Variants in DDX10 observed in about 807,000 individuals in gnomAD.
DDX10 encodes the protein probable ATP-dependent RNA helicase DDX10.
DDX10 carries 74 observed loss-of-function variants against 104.3 expected under a neutral mutation model. The ratio of observed to expected loss-of-function variants is 0.71; its 90% CI spans 0.59 to 0.86. The LOEUF is 0.86. DDX10 is among the 40% of genes least tolerant of loss of function. DDX10 has a pLI of 0.00. For missense variants in DDX10, 952 were observed against 1,040.0 expected (o/e 0.92, Z 1.16); for synonymous variants, 351 against 353.4 (o/e 0.99, Z 0.08).
intron 16 of DDX10, among the ~76,000 whole-genome samples, chr11:108,856,343 ATCACTT>A (rs1181523671): frequency 6.6e-6 from 1 of 152,142 alleles, no homozygotes. Context: ...AGGCAGAAGA[ATCACTT>A]TAACCTGGGA....
intron 13 of DDX10, among the ~76,000 whole-genome samples, chr11:108,769,272 T>G (rs1591813414): frequency 6.6e-6 from 1 of 152,236 alleles, no homozygotes; most frequent in Non-Finnish European, 1.5e-5. Context: ...TTTTCATATT[T>G]TTATTCCTTT....
chr11:108,790,426 A>G (rs1861854769), intron 13 of DDX10, among the ~76,000 whole-genome samples: 1 of 152,186 alleles, frequency 6.6e-6, no homozygotes, highest in South Asian at 2.1e-4. Context: ...TTTAAGGTAA[A>G]TATAATCTAT....
At chr11:108,702,650 C>T (rs1296502267) in intron 9 of DDX10, among the ~76,000 whole-genome samples, 4 of 152,194 alleles carry the variant, frequency 2.6e-5, no homozygotes, top group Non-Finnish European at 4.4e-5. Context: ...TTAACTGGTA[C>T]ACCCAAGCCA....
intron 10 of DDX10, among the ~76,000 whole-genome samples, chr11:108,711,271 TTG>T (rs1461292746): frequency 1.3e-5 from 2 of 152,234 alleles, no homozygotes; most frequent in African/African-American, 4.8e-5. Flanking sequence ...TTGTTTTGAC[TTG>T]TGTTATTCAG....
chr11:108,862,743 T>G (rs1416835087), intron 16 of DDX10, among the ~76,000 whole-genome samples: 2 of 152,206 alleles, frequency 1.3e-5, no homozygotes, highest in Admixed American at 6.5e-5. Context: ...AGTTTTAGTT[T>G]CTACTATAAA....
intron 8 of DDX10, among the ~76,000 whole-genome samples, chr11:108,693,244 T>G (rs1450456693): frequency 1.2e-4 from 19 of 152,240 alleles, no homozygotes; most frequent in Admixed American, 1.2e-3. Context: ...GGTATTTCAC[T>G]GTTTGTCCGA....
intron 13 of DDX10, among the ~76,000 whole-genome samples, chr11:108,826,119 T>C (rs1306622993): frequency 2.6e-5 from 4 of 152,218 alleles, no homozygotes; most frequent in Admixed American, 6.5e-5. Flanking sequence ...GGTTTTTTGA[T>C]GCGAAAACAA....
intron 15 of DDX10, among the ~76,000 whole-genome samples, chr11:108,841,818 G>T (rs1348526423): frequency 2.0e-5 from 3 of 152,068 alleles, no homozygotes; most frequent in Non-Finnish European, 4.4e-5. Flanking sequence ...CAATAATTTT[G>T]TCATTACTGG....
At chr11:108,703,833 T>A (rs2094272067) in intron 9 of DDX10, among the ~76,000 whole-genome samples, 1 of 152,134 alleles carries the variant, frequency 6.6e-6, no homozygotes, top group Non-Finnish European at 1.5e-5. Context: ...CTTTTGGTAT[T>A]AGCGTGTGGG....
chr11:108,724,000 T>C (rs2094302115), intron 13 of DDX10, among the ~76,000 whole-genome samples: 1 of 152,166 alleles, frequency 6.6e-6, no homozygotes, highest in African/African-American at 2.4e-5. Context: ...CGTAGCCATC[T>C]TCTAGGAGGA....
intron 16 of DDX10, among the ~76,000 whole-genome samples, chr11:108,874,793 C>A (rs1281664904): frequency 1.3e-5 from 2 of 152,020 alleles, no homozygotes; most frequent in Non-Finnish European, 2.9e-5. Context: ...TTCAGCCAGA[C>A]TTGTTTTTTT....
Position 108,816,486 on chromosome 11 carries a change from T to C in DDX10, c.1966-21960T>C, listed in dbSNP as rs563753115. On this transcript the variant is annotated intron_variant, in intron 13 of 17. Transcript: ENST00000322536. ...TGTGTACTTCAAAATATATCCAGAC[T>C]CTACCACATTGTTCACTTACTGCCC... Among the ~76,000 whole-genome samples the C allele has an allele frequency of 2.0e-5, 3 of 152,218 alleles. No homozygotes were observed. In the South Asian group the frequency reaches 6.2e-4, roughly 32 times the overall value.
chr11:108,911,058 C>T (rs748002925), intron 16 of DDX10, among the ~76,000 whole-genome samples: 6 of 152,086 alleles, frequency 3.9e-5, no homozygotes, highest in African/African-American at 7.2e-5. Flanking sequence ...GGAATTGATT[C>T]GCTCTTGATT....
At chr11:108,709,749 C>G (rs915505460) in intron 10 of DDX10, among the ~76,000 whole-genome samples, 4 of 151,428 alleles carry the variant, frequency 2.6e-5, no homozygotes, top group Admixed American at 2.6e-4. Context: ...TTTTTTCCCC[C>G]CTATTGATTT....
intron 15 of DDX10, among the ~76,000 whole-genome samples, chr11:108,845,700 A>G (rs1219730426): frequency 6.6e-6 from 1 of 152,214 alleles, no homozygotes; most frequent in East Asian, 1.9e-4. Flanking sequence ...ATGCTTCTGT[A>G]TTTGACACAT....
chr11:108,874,340 A>G (rs1863122342), intron 16 of DDX10, among the ~76,000 whole-genome samples: 1 of 152,200 alleles, frequency 6.6e-6, no homozygotes, highest in Non-Finnish European at 1.5e-5. Flanking sequence ...TTTAGATGCC[A>G]TTCTCATTGA....
intron 6 of DDX10, among the ~76,000 whole-genome samples, chr11:108,685,817 A>G (rs1482630505): frequency 6.6e-6 from 1 of 152,216 alleles, no homozygotes; most frequent in Non-Finnish European, 1.5e-5. Flanking sequence ...GTGTATCTAA[A>G]ATAGTTTCAG....
At chr11:108,779,600 G>A (rs570621377) in intron 13 of DDX10, among the ~76,000 whole-genome samples, 52 of 152,184 alleles carry the variant, frequency 3.4e-4, no homozygotes, top group Admixed American at 9.8e-4. Flanking sequence ...GCACACCAAC[G>A]TGGCACATGT....
At chr11:108,873,143 G>A (rs748284516) in intron 16 of DDX10, among the ~76,000 whole-genome samples, 3 of 152,172 alleles carry the variant, frequency 2.0e-5, no homozygotes, top group East Asian at 1.9e-4. Context: ...TTGTCATCTT[G>A]TGTTAGGGTA....
Sources: allele counts gnomAD v4.1 joint callset (sites outside exome capture counted in the v4.1 genomes callset), GRCh38; gene constraint gnomAD v4.1.1; transcripts MANE v1.5; gene names NCBI Gene and HGNC (gene_info 2026-07-23, HGNC 2026-07-21).